Variants in SGCD observed in about 807,000 individuals in gnomAD.
SGCD encodes the protein sarcoglycan delta.
A neutral mutation model predicts 36.6 loss-of-function variants in SGCD; 18 were observed. The ratio of observed to expected loss-of-function variants is 0.49; its 90% CI spans 0.34 to 0.73. The LOEUF (loss-of-function observed/expected upper bound fraction) is 0.73. Among genes scored for constraint, SGCD ranks in the 30% least tolerant of loss-of-function variants. SGCD has a pLI of 0.01. For missense variants in SGCD, 387 were observed against 346.7 expected, an observed-to-expected ratio of 1.12 and a Z score of -0.92; for synonymous variants, 133 against 130.6, an observed-to-expected ratio of 1.02 and a Z score of -0.12.
chr5:156,589,141 C>T lies in SGCD; in HGVS notation c.295-90C>T, dbSNP rs78134198. 2,353 of 925,208 alleles carry T rather than the reference C, an allele frequency of 2.5e-3. 29 individuals are homozygous for T. In the African/African-American group the frequency reaches 0.035, roughly 14 times the overall value. The allele number at this position is 925,208 out of a possible 1,614,324, so 57.3% of individuals were successfully genotyped here. Reference sequence around the variant, plus strand: ...CACATTGATTGGAACTTGGCTAAAGCCATTTCAGCCCCTTGGAGAGTTGTA... The same window carrying T: ...CACATTGATTGGAACTTGGCTAAAGTCATTTCAGCCCCTTGGAGAGTTGTA... On this transcript the variant is annotated intron_variant, in intron 4 of 8. Transcript: ENST00000337851.
At chr5:156,164,022 CA>C (rs1212346034) in intron 3 of SGCD, among the ~76,000 whole-genome samples, 3,419 of 58,512 alleles carry the variant, frequency 0.058, 41 homozygotes, top group East Asian at 0.1. Context: ...GACTCTGTCT[CA>C]AAAAAAAAAA....
chr5:155,844,421 TTGTGTGTGTGTGTGTGTGTGTGTG>T, the SGCD span, among the ~76,000 whole-genome samples: 1 of 144,498 alleles, frequency 6.9e-6, no homozygotes, highest in African/African-American at 2.6e-5. Flanking sequence ...TGCTAAGGCT[TTGTGTGTGTGTGTGTGTGTGTGTG>T]TGTGTGTGTG....
chr5:155,926,757 G>A (rs1330175155), intron 1 of SGCD, among the ~76,000 whole-genome samples: 4 of 152,096 alleles, frequency 2.6e-5, no homozygotes. Flanking sequence ...TAAAATTGAT[G>A]CCTACCAAAA....
intron 3 of SGCD, among the ~76,000 whole-genome samples, chr5:156,444,147 T>A (rs1407297282): frequency 8.9e-6 from 1 of 112,172 alleles, no homozygotes; most frequent in Non-Finnish European, 2.0e-5. Flanking sequence ...TCCTTCCCTT[T>A]CTCTCTCTCC....
At position 156,054,284 on chromosome 5, in the gene SGCD, CTTTTTT is replaced by C. The variant is rs70981996; in HGVS notation, c.-281-63580_-281-63575del. On this transcript the variant is annotated intron_variant, in intron 1 of 9. Coordinates refer to the SGCD transcript ENST00000517913. ...AACCAATTAAACATGAACTTTCCTT[CTTTTTT>C]TTTTTTTTTTTTTGAGACAGAGTCT... Among the ~76,000 whole-genome samples, 8 of 80,388 alleles carry C rather than the reference CTTTTTT, an allele frequency of 1.0e-4. 1 individual carries two copies. Among genetic ancestry groups the C allele is most frequent in the East Asian group, 9.6e-4 (3 of 3,112 alleles). The allele number at this position is 80,388 out of a possible 152,430, so 52.7% of individuals were successfully genotyped here. A position where few individuals can be genotyped will look rare whatever the true frequency, so the allele number is the denominator to read the frequency against.
chr5:155,728,295 T>C, the SGCD span, among the ~76,000 whole-genome samples: 1 of 152,100 alleles, frequency 6.6e-6, no homozygotes, highest in African/African-American at 2.4e-5. Flanking sequence ...CTGCTGCCGC[T>C]GCCGGAGCCC....
chr5:156,741,249 A>G (rs1756657629), intron 7 of SGCD, among the ~76,000 whole-genome samples: 1 of 152,268 alleles, frequency 6.6e-6, no homozygotes, highest in African/African-American at 2.4e-5. Flanking sequence ...AGAAATCTGG[A>G]TAAGTAATCA....
chr5:156,026,197 A>G (rs1444924681), intron 1 of SGCD, among the ~76,000 whole-genome samples: 1 of 152,232 alleles, frequency 6.6e-6, no homozygotes, highest in Non-Finnish European at 1.5e-5. Flanking sequence ...TAGATTGACA[A>G]CAAATATCAG....
chr5:156,655,689 G>A (rs561159202), intron 7 of SGCD, among the ~76,000 whole-genome samples: 1 of 152,042 alleles, frequency 6.6e-6, no homozygotes, highest in Non-Finnish European at 1.5e-5. Context: ...GACTATACTT[G>A]AAATTATACC....
chr5:156,591,115 C>T (rs1760708018), intron 5 of SGCD, among the ~76,000 whole-genome samples: 1 of 152,084 alleles, frequency 6.6e-6, no homozygotes, highest in African/African-American at 2.4e-5. Flanking sequence ...TCTCCTTTTA[C>T]ATTACATTAA....
chr5:156,645,334 C>T (rs1293651503), intron 6 of SGCD, among the ~76,000 whole-genome samples: 6 of 151,984 alleles, frequency 3.9e-5, no homozygotes, highest in Admixed American at 3.9e-4. Flanking sequence ...GGAAATTCAT[C>T]CTGAAGGATG....
chr5:156,012,319 TAC>T (rs1383073542), intron 1 of SGCD, among the ~76,000 whole-genome samples: 6 of 152,214 alleles, frequency 3.9e-5, no homozygotes, highest in African/African-American at 7.2e-5. Flanking sequence ...TACGTATTAT[TAC>T]AGAGTAGCAA....
At chr5:156,186,579 C>T (rs1437787347) in intron 3 of SGCD, among the ~76,000 whole-genome samples, 1 of 152,176 alleles carries the variant, frequency 6.6e-6, no homozygotes, top group Non-Finnish European at 1.5e-5. Flanking sequence ...CTGAGGCATT[C>T]TCTGCTTAGC....
intron 4 of SGCD, among the ~76,000 whole-genome samples, chr5:156,511,373 C>A (rs1394056664): frequency 6.6e-6 from 1 of 152,200 alleles, no homozygotes; most frequent in Non-Finnish European, 1.5e-5. Flanking sequence ...CTCACCTGCA[C>A]CATTGCAACA....
intron 3 of SGCD, among the ~76,000 whole-genome samples, chr5:156,457,170 T>G (rs1754297887): frequency 6.6e-6 from 1 of 152,314 alleles, no homozygotes; most frequent in South Asian, 2.1e-4. Context: ...TTCTTCAAAA[T>G]AGTAAGGGTT....
chr5:155,769,453 T>A, the SGCD span, among the ~76,000 whole-genome samples: 5 of 140,714 alleles, frequency 3.6e-5, no homozygotes, highest in African/African-American at 1.3e-4. Context: ...AAAAAAAAAA[T>A]TTGGAAGGGA....
intron 1 of SGCD, among the ~76,000 whole-genome samples, chr5:155,919,084 C>T (rs1040868887): frequency 4.6e-5 from 7 of 152,208 alleles, no homozygotes; most frequent in Non-Finnish European, 1.0e-4. Flanking sequence ...AGTTTGAATT[C>T]CTTTTCCAAT....
At chr5:156,412,998 C>T (rs1312777813) in intron 3 of SGCD, among the ~76,000 whole-genome samples, 4 of 151,722 alleles carry the variant, frequency 2.6e-5, no homozygotes, top group African/African-American at 9.7e-5. Context: ...GGGGTTTCAC[C>T]TTGTTAGCCA....
At chr5:156,199,021 C>T (rs183802486) in intron 3 of SGCD, among the ~76,000 whole-genome samples, 151 of 151,974 alleles carry the variant, frequency 9.9e-4, no homozygotes, top group African/African-American at 3.3e-3. Context: ...ATTATCTATT[C>T]GACATGAAGA....
Sources: allele counts gnomAD v4.1 joint callset (sites outside exome capture counted in the v4.1 genomes callset), GRCh38; gene constraint gnomAD v4.1.1; transcripts MANE v1.5; gene names NCBI Gene and HGNC (gene_info 2026-07-23, HGNC 2026-07-21).